Variants in CUL3 observed in about 807,000 individuals in gnomAD.
CUL3 encodes the protein cullin 3, also known as cullin-3.
Under a neutral mutation model 89.1 loss-of-function variants are expected in CUL3, and 19 were observed. The observed-to-expected ratio is 0.21, with a 90% CI of 0.15 to 0.31. The LOEUF (loss-of-function observed/expected upper bound fraction) is 0.31. Ranked by LOEUF, CUL3 falls within the 10% of genes least tolerant of loss-of-function variation. CUL3 has a pLI of 1.00. For synonymous variants in CUL3, 351 were observed against 308.4 expected (o/e 1.14, Z -1.45); for missense variants, 469 against 942.3 (o/e 0.50, Z 6.58).
intron 2 of CUL3, among the ~76,000 whole-genome samples, chr2:224,540,401 A>AT (rs1392768591): frequency 2.0e-5 from 3 of 151,614 alleles, no homozygotes; most frequent in Non-Finnish European, 4.4e-5. Flanking sequence ...CAAACTTTAT[A>AT]TTTAAAAAAA....
chr2:224,499,479 T>C (rs1692291862), intron 11 of CUL3: 1 of 239,106 alleles, frequency 4.2e-6, no homozygotes, highest in African/African-American at 2.3e-5. Flanking sequence ...TTCTTCCCAG[T>C]TGTTTTTTCA....
intron 1 of CUL3, among the ~76,000 whole-genome samples, chr2:224,570,790 A>G (rs1695165783): frequency 6.6e-6 from 1 of 152,194 alleles, no homozygotes; most frequent in South Asian, 2.1e-4. Context: ...TTAAATCATC[A>G]ATAGAAGGTT....
At chr2:224,541,572 A>C (rs1023041734) in intron 2 of CUL3, among the ~76,000 whole-genome samples, 3 of 152,206 alleles carry the variant, frequency 2.0e-5, no homozygotes, top group Non-Finnish European at 2.9e-5. Flanking sequence ...CTATGTATTT[A>C]ACAGAGAAAT....
At chr2:224,534,735 C>A (rs909021834) in intron 3 of CUL3, among the ~76,000 whole-genome samples, 1 of 152,180 alleles carries the variant, frequency 6.6e-6, no homozygotes, top group Middle Eastern at 3.4e-3. Flanking sequence ...GTAATCCCAG[C>A]ACTTTGGGAG....
chr2:224,520,426 TGTAACATAA>T (rs1258231355), intron 3 of CUL3, among the ~76,000 whole-genome samples: 1 of 152,230 alleles, frequency 6.6e-6, no homozygotes, highest in Non-Finnish European at 1.5e-5. Context: ...CAACTTCATT[TGTAACATAA>T]GCACTTCATT....
chr2:224,538,541 C>T, intron 2 of CUL3, among the ~76,000 whole-genome samples: 1 of 152,052 alleles, frequency 6.6e-6, no homozygotes, highest in East Asian at 1.9e-4. Context: ...ACTTTCTGCA[C>T]CAGCAAGGCA....
At position 224,503,061 on chromosome 2, in the gene CUL3, TCCA is replaced by T; in HGVS notation, c.1386_1388del (p.Cys462_Gly463delinsTer). ...CTTCCAGTTTTGACGTGAACTGACA[TCCA>T]CATTCAGTCTGTGGAGGAAAAACAC... is the stretch of plus-strand genomic sequence containing the variant. On this transcript the variant is annotated stop_gained and inframe_deletion, in exon 10 of 16. Coordinates refer to ENST00000264414, the MANE Select transcript of CUL3 (RefSeq NM_003590.5). LOFTEE classifies it high-confidence loss of function. The T allele has an allele frequency of 6.2e-7, 1 of 1,610,350 alleles. No homozygotes were observed. The highest frequency in any genetic ancestry group is 8.5e-7 in the Non-Finnish European group (1 of 1,176,704).
intron 2 of CUL3, among the ~76,000 whole-genome samples, chr2:224,538,595 C>T (rs1693977576): frequency 6.6e-6 from 1 of 152,138 alleles, no homozygotes; most frequent in Non-Finnish European, 1.5e-5. Context: ...AGAACCAAAA[C>T]AGCCTATGGA....
At chr2:224,563,371 C>A (rs1362978339) in intron 1 of CUL3, 2 of 427,062 alleles carry the variant, frequency 4.7e-6, no homozygotes, top group Non-Finnish European at 9.4e-6. Context: ...ATTATCCGTA[C>A]ATGCAGGGTT....
At chr2:224,482,988 C>T (rs1347247501) in intron 13 of CUL3, among the ~76,000 whole-genome samples, 1 of 152,084 alleles carries the variant, frequency 6.6e-6, no homozygotes, top group Non-Finnish European at 1.5e-5. Context: ...GTCAGTCATT[C>T]TCTCTAGACA....
At chr2:224,546,509 A>G (rs762423873) in intron 2 of CUL3, among the ~76,000 whole-genome samples, 5 of 152,164 alleles carry the variant, frequency 3.3e-5, no homozygotes, top group Non-Finnish European at 7.4e-5. Flanking sequence ...GGTGGTTTCC[A>G]TTTTGACTGC....
intron 1 of CUL3, among the ~76,000 whole-genome samples, chr2:224,571,825 T>A (rs2106321703): frequency 6.6e-6 from 1 of 152,326 alleles, no homozygotes; most frequent in East Asian, 1.9e-4. Context: ...AAGACACTAG[T>A]AGTCGGTGCC....
chr2:224,515,191 C>G (rs1304762999), intron 3 of CUL3, among the ~76,000 whole-genome samples: 1 of 152,146 alleles, frequency 6.6e-6, no homozygotes, highest in Non-Finnish European at 1.5e-5. Context: ...ATTTATACAA[C>G]TTAGATTGAT....
At chr2:224,581,508 CT>C (rs1260830752) in intron 1 of CUL3, among the ~76,000 whole-genome samples, 286 of 138,744 alleles carry the variant, frequency 2.1e-3, no homozygotes, top group African/African-American at 2.2e-3. Context: ...TTTTTCTTTT[CT>C]TTTTTTTTTT....
At chr2:224,514,267 T>A (rs1193784308) in intron 4 of CUL3, among the ~76,000 whole-genome samples, 1 of 151,006 alleles carries the variant, frequency 6.6e-6, no homozygotes, top group African/African-American at 2.4e-5. Flanking sequence ...ATGTTAGGAA[T>A]GAAGGACAGA....
rs113474153 is a variant in CUL3 at position 224,501,852 on chromosome 2, A to G, written c.1485+1113T>C. 2.1e-3 allele frequency among the ~76,000 whole-genome samples: 321 copies of G among 152,330 alleles called. 3 individuals carry two copies. Among genetic ancestry groups the G allele is most frequent in the African/African-American group, 7.1e-3 (296 of 41,574 alleles). Reference sequence around the variant, plus strand: ...ATCTTCCCTATAGCTTTCAATGTGTAAGATTAGTGGAAGAAAAAAATTTAA... The same window carrying G: ...ATCTTCCCTATAGCTTTCAATGTGTGAGATTAGTGGAAGAAAAAAATTTAA... On this transcript the variant is annotated intron_variant, in intron 10 of 15. Transcript: ENST00000264414.
chr2:224,488,088 G>C (rs1010796970), intron 13 of CUL3, among the ~76,000 whole-genome samples: 1 of 152,082 alleles, frequency 6.6e-6, no homozygotes, highest in African/African-American at 2.4e-5. Flanking sequence ...TCTGGGACAC[G>C]GCTAAAGCAG....
At chr2:224,474,942 AAAT>A (rs1404813403) in intron 15 of CUL3, among the ~76,000 whole-genome samples, 3 of 152,214 alleles carry the variant, frequency 2.0e-5, no homozygotes, top group African/African-American at 7.2e-5. Context: ...TATAATAATA[AAAT>A]AATAACTAAA....
At chr2:224,571,311 T>C (rs976766412) in intron 1 of CUL3, among the ~76,000 whole-genome samples, 2 of 152,204 alleles carry the variant, frequency 1.3e-5, no homozygotes, top group African/African-American at 2.4e-5. Context: ...CAATATACTA[T>C]GAAATCCAAA....
Sources: gnomAD v4.1 joint callset for allele counts (sites outside exome capture counted in the v4.1 genomes callset) on GRCh38, gnomAD v4.1.1 for gene constraint, MANE v1.5 for transcripts, NCBI Gene and HGNC (gene_info 2026-07-23, HGNC 2026-07-21) for gene names.